The following MOV10 variants were observed in gnomAD, a reference collection of about 807,000 sequenced individuals.
MOV10 encodes the protein RNA helicase MOV-10.
MOV10 carries 39 observed loss-of-function variants against 108.4 expected under a neutral mutation model. That is an observed-to-expected ratio of 0.36 (90% CI 0.28 to 0.47). The LOEUF is 0.47. Among genes scored for constraint, MOV10 ranks in the 20% least tolerant of loss-of-function variants. The probability of loss-of-function intolerance (pLI) is 1.00; values close to 1 mark genes in which losing one functional copy is unlikely to be tolerated. For missense variants in MOV10, 952 were observed against 1,297.6 expected, an observed-to-expected ratio of 0.73 and a Z score of 4.09; for synonymous variants, 490 against 523.1, an observed-to-expected ratio of 0.94 and a Z score of 0.86.
chr1:112,696,247 G>A lies in MOV10; in HGVS notation c.1879G>A (p.Gly627Ser), dbSNP rs1434807450. Residue 627 changes from glycine to serine, a missense_variant, in exon 12 of 21, where the codon GGC becomes AGC. Gly to Ser is a moderately conservative substitution (Grantham distance 56). This residue lies in a region of MOV10 where 453 missense variants were observed against 611.5 expected (regional missense o/e 0.74). Coordinates refer to ENST00000369645, the MANE Select transcript of MOV10 (RefSeq NM_001321324.2). Reference protein sequence around the residue: ...RVLITTLITAGRLVSAQFPID... With the variant: ...RVLITTLITASRLVSAQFPID... ...CTTAATTACCACCCTCATCACTGCC[G>A]GCAGGTGGGGAGTGTGTGTGGGTGT... 1.4e-5 allele frequency: 23 copies of A among 1,607,618 alleles called. No homozygotes were observed. The highest frequency in any genetic ancestry group is 1.8e-5 in the Non-Finnish European group (21 of 1,174,348).
Position 112,675,198 on chromosome 1 carries a change from C to T in MOV10, c.137+149C>T, listed in dbSNP as rs1396749098. 2 of 821,080 alleles carry T rather than the reference C, an allele frequency of 2.4e-6. No individual in the cohort carries two copies. The highest frequency in any genetic ancestry group is 3.5e-6 in the Non-Finnish European group (2 of 576,424). 50.9% of individuals were successfully genotyped at this position (821,080 alleles called of 1,614,324 possible). On this transcript the variant is annotated intron_variant, in intron 2 of 20. Transcript: ENST00000369645. This position sits in a 1 kb window ranked among gnomAD's most constrained non-coding sequence, Gnocchi z 4.7. The stretch of plus-strand genomic sequence containing the variant: ...AGTCCCGGGGCGGCGCAGACCTCCC[C>T]TCCCGCGCCTCGCCCACGCCCCACC...
In MOV10 at chr1:112,689,398, A is replaced by G; in HGVS notation, c.342-17A>G. 1.7e-5 allele frequency: 10 copies of G among 585,028 alleles called. No individual in the cohort carries two copies. The highest frequency in any genetic ancestry group is 2.6e-5 in the Non-Finnish European group (8 of 312,190). The allele number at this position is 585,028 out of a possible 1,614,324, so 36.2% of individuals were successfully genotyped here. A position where few individuals can be genotyped will look rare whatever the true frequency, so the allele number is the denominator to read the frequency against. The stretch of plus-strand genomic sequence containing the variant: ...CCGCTCCCACCCCAACCCCCCCTTG[A>G]CTCCCCTTCTCCCCAGGGCTGAGTA... On this transcript the variant is annotated splice_polypyrimidine_tract_variant and intron_variant, in intron 3 of 20. Coordinates refer to ENST00000369645, the MANE Select transcript of MOV10 (RefSeq NM_001321324.2).
rs761247181 is a variant in MOV10 at position 112,700,445 on chromosome 1, G to A, written c.2950G>A (p.Glu984Lys). The change falls in exon 21 of 21, where the codon GAG becomes AAG. Residue 984 changes from glutamate (E) to lysine (K), a missense_variant. Glu to Lys is a moderately conservative substitution (Grantham distance 56). Around this residue, in one of 5 missense-constraint regions of MOV10, gnomAD observed 42 missense variants for 36.5 expected, o/e 1.15. Coordinates refer to ENST00000369645, the MANE Select transcript of MOV10 (RefSeq NM_001321324.2). ...CCACAGCCATGACTACCTCCCCCAG[G>A]AGCGGGAGGGTGAAGGGGGCCTGTC... is the stretch of plus-strand genomic sequence containing the variant. ...GPHSHDYLPQEREGEGGLSLQ... is the reference protein window; with the variant it reads ...GPHSHDYLPQKREGEGGLSLQ... 3 of 1,613,710 alleles carry A rather than the reference G, an allele frequency of 1.9e-6. No individual in the cohort carries two copies. The highest frequency in any genetic ancestry group is 2.5e-6 in the Non-Finnish European group (3 of 1,179,894).
chr1:112,698,515 C>T, intron 16 of MOV10, 37 bp downstream of exon 16: 1 of 1,595,008 alleles, frequency 6.3e-7, no homozygotes, highest in Non-Finnish European at 8.6e-7. Context: ...TGGGGCCCCT[C>T]CCCCAGATGG....
At chr1:112,695,868 C>T (rs1381938330) in intron 11 of MOV10, among the ~76,000 whole-genome samples, 3 of 151,974 alleles carry the variant, frequency 2.0e-5, no homozygotes, top group Admixed American at 6.6e-5. Context: ...GGCAAAATCC[C>T]GTCTCTACTA....
chr1:112,699,462 C>CT, intron 17 of MOV10: 8 of 1,401,114 alleles, frequency 5.7e-6, no homozygotes, highest in Non-Finnish European at 6.5e-6. Flanking sequence ...CCTTAGAACA[C>CT]TTTGCAGGCC....
At position 112,689,007 on chromosome 1, in the gene MOV10, C is replaced by A; in HGVS notation, c.210C>A (p.Thr70=). 1.9e-6 allele frequency: 3 copies of A among 1,612,636 alleles called. No homozygotes were observed. In the South Asian group the frequency reaches 3.3e-5, roughly 18 times the overall value. ...GMKIANLAYV[T]KTRVRFFRLD... ...AGATTGCAAATCTGGCCTACGTCAC[C>A]AAGACTCGGGTCAGGTTCTTCAGAC... Residue 70 remains threonine, a synonymous_variant, in exon 3 of 21, where the codon ACC becomes ACA. Transcript: ENST00000369645.
intron 2 of MOV10, among the ~76,000 whole-genome samples, chr1:112,679,910 A>C (rs1672489714): frequency 6.6e-6 from 1 of 152,162 alleles, no homozygotes; most frequent in Admixed American, 6.5e-5. Flanking sequence ...AGAACTTATC[A>C]AAGTTGTAAA....
chr1:112,675,086 C>T lies in MOV10; in HGVS notation c.137+37C>T, dbSNP rs1231680286. Reference sequence around the variant, plus strand: ...CCCACTCCCGGCCCCGAATCGCGGGCCCAGCTTGCTGCCACGACCCCCGCG... The same window carrying T: ...CCCACTCCCGGCCCCGAATCGCGGGTCCAGCTTGCTGCCACGACCCCCGCG... On this transcript the variant is annotated intron_variant, in intron 2 of 20. Transcript: ENST00000369645. The surrounding 1 kb of genome is among the most constrained non-coding windows in gnomAD (Gnocchi z 4.7). 6.4e-7 allele frequency: 1 copy of T among 1,570,058 alleles called. No individual in the cohort carries two copies. Among genetic ancestry groups the T allele is most frequent in the African/African-American group, 1.4e-5 (1 of 71,020 alleles).
chr1:112,700,523 C>A lies in MOV10; in HGVS notation c.*16C>A. Reference sequence around the variant, plus strand: ...TGAGCTCTGAAGACACAGCACCCAGCCTTCTCGCACCAGCCAAGCCTTAAC... The same window carrying A: ...TGAGCTCTGAAGACACAGCACCCAGACTTCTCGCACCAGCCAAGCCTTAAC... On this transcript the variant is annotated 3_prime_UTR_variant, in exon 21 of 21. Coordinates refer to ENST00000369645, the MANE Select transcript of MOV10 (RefSeq NM_001321324.2). 1 of 1,610,758 alleles carries A rather than the reference C, an allele frequency of 6.2e-7. No homozygotes were observed. Among genetic ancestry groups the A allele is most frequent in the Non-Finnish European group, 8.5e-7 (1 of 1,178,238 alleles).
intron 17 of MOV10, 97 bp downstream of exon 17, chr1:112,698,886 C>T (rs980012852): frequency 1.5e-5 from 15 of 1,005,276 alleles, no homozygotes; most frequent in Admixed American, 6.9e-5. Context: ...CCCACGTCCC[C>T]GTCCCACCCC....
rs530030849 is a variant in MOV10 at position 112,695,201 on chromosome 1, C to T, written c.1621-215C>T. ...TGCCACTGCACTCCATCCTGGGTGACAGAGTGAGACTCTGTCTCAAAAAAA... is the reference window on the plus strand; with the variant it reads ...TGCCACTGCACTCCATCCTGGGTGATAGAGTGAGACTCTGTCTCAAAAAAA... On this transcript the variant is annotated intron_variant, in intron 10 of 20. Coordinates refer to ENST00000369645, the MANE Select transcript of MOV10 (RefSeq NM_001321324.2). Among the ~76,000 whole-genome samples the T allele has an allele frequency of 1.9e-4, 29 of 152,164 alleles. 1 individual carries two copies. The South Asian group carries it at 5.6e-3, about 29-fold the overall frequency.
chr1:112,696,027 G>A (rs901393395), intron 11 of MOV10, 121 bp from the exon 12 acceptor site: 14 of 730,738 alleles, frequency 1.9e-5, no homozygotes, highest in South Asian at 1.1e-4. Context: ...GGGGGACAGC[G>A]AGACTCCGTC....
chr1:112,698,220 G>A (rs1030333071), intron 15 of MOV10, 67 bp from the exon 16 acceptor site: 8 of 1,600,164 alleles, frequency 5.0e-6, no homozygotes, highest in Non-Finnish European at 6.0e-6. Flanking sequence ...TCTCTGGAAG[G>A]GTTTGGGAAG....
Position 112,674,945 on chromosome 1 carries a change from G to C in MOV10, c.33G>C (p.Arg11=). 1 of 1,583,806 alleles carries C rather than the reference G, an allele frequency of 6.3e-7. No individual in the cohort carries two copies. Among genetic ancestry groups the C allele is most frequent in the Non-Finnish European group, 8.6e-7 (1 of 1,165,970 alleles). ...GTAAGTTCAGCTGCCGGCAGCTCCGGGAGGCGGGCCAGTGTTTCGAGAGTT... is the reference window on the plus strand; with the variant it reads ...GTAAGTTCAGCTGCCGGCAGCTCCGCGAGGCGGGCCAGTGTTTCGAGAGTT... MPSKFSCRQL[R]EAGQCFESFL... is the part of the protein sequence containing the mutation. The change falls in exon 2 of 21, where the codon CGG becomes CGC. Residue 11 remains arginine, a synonymous_variant. Coordinates refer to ENST00000369645, the MANE Select transcript of MOV10 (RefSeq NM_001321324.2).
chr1:112,696,071 G>A (rs189373915), intron 11 of MOV10, 77 bp from the exon 12 acceptor site: 8 of 946,882 alleles, frequency 8.4e-6, no homozygotes, highest in Non-Finnish European at 5.1e-6. Context: ...TTGTTTGAGG[G>A]GGGGTACCCA....
At chr1:112,695,950 G>A (rs533945510) in intron 11 of MOV10, among the ~76,000 whole-genome samples, 198 bp from the exon 12 acceptor site, 63 of 152,310 alleles carry the variant, frequency 4.1e-4, no homozygotes, top group Admixed American at 3.1e-3. Flanking sequence ...GCTGAGGCAC[G>A]AGAATTGCTT....
chr1:112,700,433 T>C lies in MOV10; in HGVS notation c.2938T>C (p.Tyr980His). The change falls in exon 21 of 21, where the codon TAC (tyrosine) becomes CAC (histidine). Residue 980 changes from tyrosine to histidine, a missense_variant. By Grantham distance (83) the Tyr-to-His change is moderately conservative (BLOSUM62 2). Coordinates refer to ENST00000369645, the MANE Select transcript of MOV10 (RefSeq NM_001321324.2). Reference sequence around the variant, plus strand: ...CTTTCCAGGGCCCCACAGCCATGACTACCTCCCCCAGGAGCGGGAGGGTGA... The same window carrying C: ...CTTTCCAGGGCCCCACAGCCATGACCACCTCCCCCAGGAGCGGGAGGGTGA... Reference protein sequence around the residue: ...PSTSGPHSHDYLPQEREGEGG... With the variant: ...PSTSGPHSHDHLPQEREGEGG... 1 of 1,613,700 alleles carries C rather than the reference T, an allele frequency of 6.2e-7. No individual in the cohort carries two copies. The highest frequency in any genetic ancestry group is 8.5e-7 in the Non-Finnish European group (1 of 1,179,798).
chr1:112,699,297 T>C, intron 17 of MOV10: 1 of 287,794 alleles, frequency 3.5e-6, no homozygotes, highest in Non-Finnish European at 6.1e-6. Flanking sequence ...AACACTGCTC[T>C]AAGACTTACA....
Sources: gnomAD v4.1 joint callset for allele counts (sites outside exome capture counted in the v4.1 genomes callset) on GRCh38, gnomAD v4.1.1 for gene constraint, gnomAD v4.1.1 regional missense constraint, Gnocchi (gnomAD v3.1) non-coding constraint, MANE v1.5 for transcripts, NCBI Gene and HGNC (gene_info 2026-07-23, HGNC 2026-07-21) for gene names.